SLC8A1: variants seen among roughly 807,000 people sequenced by gnomAD.
The protein encoded by SLC8A1 is sodium/calcium exchanger 1.
A neutral mutation model predicts 68.3 loss-of-function variants in SLC8A1; 18 were observed. The ratio of observed to expected loss-of-function variants is 0.26; its 90% CI spans 0.18 to 0.39. The LOEUF is 0.39. Ranked by LOEUF, SLC8A1 falls within the 10% of genes least tolerant of loss-of-function variation. SLC8A1 has a pLI of 1.00. For missense variants in SLC8A1, 985 were observed against 1,156.7 expected (o/e 0.85, Z 2.15); for synonymous variants, 475 against 415.5 (o/e 1.14, Z -1.74).
At chr2:40,252,841 C>CAT (rs965626289) in intron 2 of SLC8A1, among the ~76,000 whole-genome samples, 10 of 111,998 alleles carry the variant, frequency 8.9e-5, no homozygotes, top group Non-Finnish European at 1.8e-4. Context: ...CATGTGTATA[C>CAT]ATATATGTAT....
At chr2:40,489,810 G>T (rs1705201871) in intron 1 of SLC8A1, among the ~76,000 whole-genome samples, 1 of 151,876 alleles carries the variant, frequency 6.6e-6, no homozygotes, top group African/African-American at 2.4e-5. Context: ...GAAAGGATCA[G>T]AAGGTTTGCT....
chr2:40,215,155 C>G (rs891376319), intron 2 of SLC8A1, among the ~76,000 whole-genome samples: 4 of 151,950 alleles, frequency 2.6e-5, no homozygotes, highest in African/African-American at 7.3e-5. Context: ...TCAATATATG[C>G]TAATTATTAT....
chr2:40,240,857 T>C (rs753990828), intron 2 of SLC8A1, among the ~76,000 whole-genome samples: 2 of 152,146 alleles, frequency 1.3e-5, no homozygotes, highest in Non-Finnish European at 2.9e-5. Flanking sequence ...ACTGCCTGGA[T>C]GACAGAATGA....
rs959032075 is a variant in SLC8A1, at chr2:40,185,197, CA to C, written c.1809-7343del. 2.6e-5 allele frequency among the ~76,000 whole-genome samples: 4 copies of C among 152,090 alleles called. No homozygotes were observed. In the South Asian group the frequency reaches 8.3e-4, roughly 32 times the overall value. ...AATGCAGCCACTTTGGAGAAGCCCT[CA>C]AAAGTTTAAAAGTAGAATTACCATG... On this transcript the variant is annotated intron_variant, in intron 2 of 7. Transcript: ENST00000406785.
At position 40,435,775 on chromosome 2, in the gene SLC8A1, T is replaced by C. The variant is rs898717683; in HGVS notation, c.-24-5471A>G. Among the ~76,000 whole-genome samples, 63 of 152,040 alleles carry C rather than the reference T, an allele frequency of 4.1e-4. 1 individual carries two copies. The highest frequency in any genetic ancestry group is 3.2e-3 in the Middle Eastern group (1 of 316). On this transcript the variant is annotated intron_variant, in intron 1 of 7. Coordinates refer to ENST00000406785, the Ensembl canonical transcript of SLC8A1. ...TATTTTTCGAGATAGCACTTATTAC[T>C]TTTTTGTTTTTGTTTTTGAGACATA... is the stretch of plus-strand genomic sequence containing the variant.
At chr2:40,227,492 G>GACTT (rs1272736175) in intron 2 of SLC8A1, among the ~76,000 whole-genome samples, 4 of 151,996 alleles carry the variant, frequency 2.6e-5, no homozygotes, top group African/African-American at 7.2e-5. Context: ...GACGTGTTCT[G>GACTT]ACTTACAAGT....
exon 8 of SLC8A1, chr2:40,101,655 C>T (rs2033899674): frequency 6.6e-6 from 1 of 152,086 alleles, no homozygotes; most frequent in Non-Finnish European, 1.5e-5. Context: ...AATGCATTAT[C>T]TTTATAAAGA....
chr2:40,502,802 C>T (rs1706129314), intron 1 of SLC8A1, among the ~76,000 whole-genome samples: 1 of 151,998 alleles, frequency 6.6e-6, no homozygotes, highest in African/African-American at 2.4e-5. Flanking sequence ...GGTCACATTC[C>T]TGGTTAGAAC....
chr2:40,415,909 C>CAT (rs1339341997), intron 2 of SLC8A1, among the ~76,000 whole-genome samples: 6 of 133,696 alleles, frequency 4.5e-5, no homozygotes, highest in Non-Finnish European at 8.0e-5. Context: ...CACACACACA[C>CAT]ACATTAGCTG....
At chr2:40,361,064 C>T (rs975413619) in intron 2 of SLC8A1, among the ~76,000 whole-genome samples, 1 of 151,982 alleles carries the variant, frequency 6.6e-6, no homozygotes, top group African/African-American at 2.4e-5. Flanking sequence ...ATGGTGACAT[C>T]AGATAGAGTA....
chr2:40,200,239 AAT>A (rs1205217029), intron 2 of SLC8A1, among the ~76,000 whole-genome samples: 182 of 16,690 alleles, frequency 0.011, 7 homozygotes, highest in Admixed American at 0.043. Context: ...TATATATATA[AAT>A]ATATATATAT....
intron 2 of SLC8A1, among the ~76,000 whole-genome samples, chr2:40,404,887 T>C (rs1262891103): frequency 3.9e-5 from 6 of 152,144 alleles, no homozygotes; most frequent in Admixed American, 2.6e-4. Flanking sequence ...ATACAAGCAA[T>C]TGACAAAGAC....
chr2:40,393,207 T>A (rs1033732457), intron 2 of SLC8A1, among the ~76,000 whole-genome samples: 1 of 149,126 alleles, frequency 6.7e-6, no homozygotes, highest in East Asian at 2.0e-4. Flanking sequence ...TCTATTTTTT[T>A]CTGAAAATTC....
chr2:40,445,975 C>T (rs1701369017), intron 1 of SLC8A1, among the ~76,000 whole-genome samples: 1 of 152,142 alleles, frequency 6.6e-6, no homozygotes, highest in South Asian at 2.1e-4. Context: ...AACCTGCTAC[C>T]AGGATGGGAT....
At chr2:40,448,244 G>A (rs1326411457) in intron 1 of SLC8A1, among the ~76,000 whole-genome samples, 1 of 152,162 alleles carries the variant, frequency 6.6e-6, no homozygotes, top group Admixed American at 6.5e-5. Context: ...GTGCATGGAG[G>A]ACTGGGGATG....
intron 3 of SLC8A1, among the ~76,000 whole-genome samples, chr2:40,176,336 A>T (rs773808709): frequency 6.6e-6 from 1 of 152,190 alleles, no homozygotes; most frequent in Non-Finnish European, 1.5e-5. Flanking sequence ...ATATTTTACT[A>T]AAACGGCAAT....
chr2:40,238,475 C>T (rs1232365611), intron 2 of SLC8A1, among the ~76,000 whole-genome samples: 5 of 152,064 alleles, frequency 3.3e-5, no homozygotes, highest in Non-Finnish European at 5.9e-5. Flanking sequence ...GCACACGGTG[C>T]GCGCACCCAC....
chr2:40,438,468 T>C (rs1379136228), intron 1 of SLC8A1, among the ~76,000 whole-genome samples: 3 of 152,176 alleles, frequency 2.0e-5, no homozygotes, highest in Non-Finnish European at 4.4e-5. Flanking sequence ...GAGTAGCTTC[T>C]ATGTGCAAAG....
intron 2 of SLC8A1, among the ~76,000 whole-genome samples, chr2:40,265,784 A>C (rs931886035): frequency 1.3e-5 from 2 of 152,148 alleles, no homozygotes; most frequent in African/African-American, 2.4e-5. Flanking sequence ...TTCATATATT[A>C]CTGGAAACAA....
Sources: allele counts gnomAD v4.1 joint callset (sites outside exome capture counted in the v4.1 genomes callset), GRCh38; gene constraint gnomAD v4.1.1; transcripts MANE v1.5; gene names NCBI Gene and HGNC (gene_info 2026-07-23, HGNC 2026-07-21).